ERICH1: variants seen among roughly 807,000 people sequenced by gnomAD.
ERICH1 encodes the protein glutamate rich 1, also known as glutamate-rich protein 1.
In ERICH1, 56 loss-of-function variants were observed where a neutral mutation model predicts 39.6. The ratio of observed to expected loss-of-function variants is 1.41; its 90% CI spans 1.14 to 1.77. ERICH1 has a LOEUF of 1.77. Ranked by LOEUF, ERICH1 falls within the 40% of genes most tolerant of loss-of-function variation. The probability of loss-of-function intolerance (pLI) is 0.00; values close to 1 mark genes in which losing one functional copy is unlikely to be tolerated. For synonymous variants in ERICH1, 313 were observed against 223.6 expected (o/e 1.40, Z -3.57); for missense variants, 826 against 575.4 (o/e 1.44, Z -4.45).
At chr8:688,210 C>T (rs1205475130) in intron 3 of ERICH1, among the ~76,000 whole-genome samples, 1 of 149,236 alleles carries the variant, frequency 6.7e-6, no homozygotes, top group African/African-American at 2.5e-5. Flanking sequence ...CCCTGAGCCG[C>T]CCACGCAGGT....
chr8:694,313 G>C (rs142874216), intron 2 of ERICH1, among the ~76,000 whole-genome samples: 169 of 152,334 alleles, frequency 1.1e-3, no homozygotes, highest in African/African-American at 3.9e-3. Flanking sequence ...TGGCTTCTAA[G>C]TACACTGTCC....
At chr8:718,064 G>C (rs943381885) in intron 1 of ERICH1, among the ~76,000 whole-genome samples, 3 of 152,068 alleles carry the variant, frequency 2.0e-5, no homozygotes, top group East Asian at 1.9e-4. Context: ...GTTTGGATCA[G>C]AGCGCACTGA....
At chr8:709,854 T>C (rs937107606) in intron 2 of ERICH1, among the ~76,000 whole-genome samples, 2 of 152,250 alleles carry the variant, frequency 1.3e-5, no homozygotes, top group Non-Finnish European at 2.9e-5. Flanking sequence ...CAGCTTCAAC[T>C]GCCCCACCTA....
chr8:687,766 C>G (rs1012295668), intron 3 of ERICH1, among the ~76,000 whole-genome samples: 1 of 152,228 alleles, frequency 6.6e-6, no homozygotes, highest in African/African-American at 2.4e-5. Context: ...CCGCGGGGCC[C>G]TAGCCGAGGC....
intron 3 of ERICH1, among the ~76,000 whole-genome samples, chr8:681,973 G>A (rs1806231171): frequency 6.6e-6 from 1 of 152,142 alleles, no homozygotes; most frequent in Non-Finnish European, 1.5e-5. Context: ...GAATCCTGGT[G>A]GGTTGTTTAG....
chr8:718,856 C>T (rs1456837134), intron 1 of ERICH1, among the ~76,000 whole-genome samples: 2 of 152,178 alleles, frequency 1.3e-5, no homozygotes, highest in East Asian at 1.9e-4. Flanking sequence ...CGAGCAGATT[C>T]GAGAGGGGTG....
intron 3 of ERICH1, among the ~76,000 whole-genome samples, chr8:678,480 A>G (rs920012378): frequency 1.3e-5 from 2 of 152,240 alleles, no homozygotes; most frequent in African/African-American, 4.8e-5. Flanking sequence ...TTAAAAAATG[A>G]GTCTAGTTAA....
chr8:639,978 C>T (rs899327947), intron 3 of ERICH1, among the ~76,000 whole-genome samples: 4 of 152,172 alleles, frequency 2.6e-5, no homozygotes, highest in African/African-American at 9.6e-5. Context: ...AAGAATAATG[C>T]TCCCTAAAAG....
chr8:688,161 C>G (rs1807937432), intron 3 of ERICH1, among the ~76,000 whole-genome samples: 1 of 152,064 alleles, frequency 6.6e-6, no homozygotes, highest in Non-Finnish European at 1.5e-5. Context: ...AGTGCGCCCT[C>G]AAGGCCGTGG....
chr8:715,848 C>T lies in ERICH1; in HGVS notation c.169+13G>A. 6.2e-7 allele frequency: 1 copy of T among 1,603,348 alleles called. No individual in the cohort carries two copies. Among genetic ancestry groups the T allele is most frequent in the Non-Finnish European group, 8.5e-7 (1 of 1,176,018 alleles). ...AGTTTCTGAGACCCACCCACATCTG[C>T]AGACAAACTCACCTGTCAAAGGCTC... On this transcript the variant is annotated intron_variant, in intron 2 of 5. Transcript: ENST00000262109.
chr8:698,194 G>C (rs1350289849), intron 2 of ERICH1, among the ~76,000 whole-genome samples: 2 of 151,468 alleles, frequency 1.3e-5, no homozygotes, highest in Non-Finnish European at 2.9e-5. Flanking sequence ...CTACCCTCCA[G>C]AAAGGCCATC....
At chr8:662,202 C>T (rs1801520976), downstream of ERICH1, among the ~76,000 whole-genome samples, 1 of 152,260 alleles carries the variant, frequency 6.6e-6, no homozygotes, top group South Asian at 2.1e-4. Flanking sequence ...ACATGACCCA[C>T]CACCCCTGCA....
At chr8:680,659 G>C (rs1382741535) in intron 3 of ERICH1, among the ~76,000 whole-genome samples, 2 of 152,044 alleles carry the variant, frequency 1.3e-5, no homozygotes, top group African/African-American at 4.8e-5. Flanking sequence ...TGCCACCCTT[G>C]TAAACACAGA....
At chr8:667,736 T>C (rs1802491441) in intron 5 of ERICH1, 1 of 153,030 alleles carries the variant, frequency 6.5e-6, no homozygotes, top group East Asian at 1.9e-4. Flanking sequence ...GGCATCATCA[T>C]ACCGTGGTTA....
intron 3 of ERICH1, among the ~76,000 whole-genome samples, chr8:682,325 G>T (rs947361310): frequency 6.6e-6 from 1 of 152,244 alleles, no homozygotes; most frequent in African/African-American, 2.4e-5. Flanking sequence ...AAATAAGACA[G>T]TTGGCTCAGC....
In ERICH1 at chr8:673,520, T is replaced by G. The variant is rs1042524004; in HGVS notation, c.832A>C (p.Ile278Leu). 6.2e-7 allele frequency: 1 copy of G among 1,612,984 alleles called. No homozygotes were observed. Among genetic ancestry groups the G allele is most frequent in the Non-Finnish European group, 8.5e-7 (1 of 1,179,766 alleles). Residue 278 changes from isoleucine (I) to leucine (L), a missense_variant, in exon 4 of 6, where the codon ATT (isoleucine) becomes CTT (leucine). By Grantham distance (5) the Ile-to-Leu change is conservative (BLOSUM62 2). Coordinates refer to ENST00000262109, the MANE Select transcript of ERICH1 (RefSeq NM_207332.3). ...CCGGCCCGTGTCAGGTCTTCCTCAA[T>G]GGTGTCCACACCGTCCTCCTCCCTG... ...DAREEDGVDT[I>L]EEDLTRAGEE...
intron 1 of ERICH1, among the ~76,000 whole-genome samples, 159 bp from the exon 2 acceptor site, chr8:716,166 G>C (rs148006867): frequency 2.2e-4 from 33 of 152,354 alleles, no homozygotes; most frequent in African/African-American, 7.5e-4. Context: ...CTGCACACCA[G>C]GATCCCCCAG....
At chr8:699,938 C>T (rs547687267) in intron 2 of ERICH1, among the ~76,000 whole-genome samples, 24 of 139,096 alleles carry the variant, frequency 1.7e-4, no homozygotes, top group Non-Finnish European at 3.1e-4. Context: ...GGCGCACAGA[C>T]CCGCACACGC....
At chr8:625,699 G>A (rs1235051748) in intron 3 of ERICH1, 1 of 152,232 alleles carries the variant, frequency 6.6e-6, no homozygotes, top group Non-Finnish European at 1.5e-5. Flanking sequence ...CAGAAATGTA[G>A]TCTCACTGCA....
Sources: gnomAD v4.1 joint callset for allele counts (sites outside exome capture counted in the v4.1 genomes callset) on GRCh38, gnomAD v4.1.1 for gene constraint, MANE v1.5 for transcripts, NCBI Gene and HGNC (gene_info 2026-07-23, HGNC 2026-07-21) for gene names.